The following VPS54 variants were observed in gnomAD, a reference collection of about 807,000 sequenced individuals.
The protein encoded by VPS54 is vacuolar protein sorting-associated protein 54.
In VPS54, 45 loss-of-function variants were observed where a neutral mutation model predicts 121.5. That is an observed-to-expected ratio of 0.37 (90% CI 0.29 to 0.47). The LOEUF (loss-of-function observed/expected upper bound fraction) is 0.47. VPS54 is among the 20% of genes least tolerant of loss of function. The pLI, the probability that VPS54 is intolerant of heterozygous loss-of-function variation, is 0.99. For synonymous variants in VPS54, 371 were observed against 385.8 expected (o/e 0.96, Z 0.45); for missense variants, 1,090 against 1,131.4 (o/e 0.96, Z 0.52).
rs764940037 is a variant in VPS54, at chr2:63,916,947, T to C, written c.2181A>G (p.Lys727=). The C allele has an allele frequency of 6.2e-6, 10 of 1,613,418 alleles. No homozygotes were observed. Among genetic ancestry groups the C allele is most frequent in the Admixed American group, 5.0e-5 (3 of 59,980 alleles). Residue 727 remains lysine (K), a synonymous_variant, in exon 16 of 23, where the codon AAA becomes AAG. Coordinates refer to ENST00000272322, the MANE Select transcript of VPS54 (RefSeq NM_016516.3). ...CCTCGACAATAAGAACTTCAGCTGG[T>C]TTCCTTTCTTCTGTGGCTACAGAGT... The part of the protein sequence containing the change: ...EKKSGATEER[K]PAEVLIVEGQ...
intron 20 of VPS54, among the ~76,000 whole-genome samples, chr2:63,905,292 A>G (rs559569382): frequency 7.9e-5 from 12 of 152,258 alleles, no homozygotes; most frequent in African/African-American, 2.9e-4. Flanking sequence ...ACTTCTAGCC[A>G]GAAAGGGGGA....
intron 12 of VPS54, among the ~76,000 whole-genome samples, chr2:63,924,070 T>C (rs865849128): frequency 7.9e-5 from 12 of 152,258 alleles, no homozygotes; most frequent in African/African-American, 2.4e-4. Context: ...GAGGATGCAA[T>C]TGGGGAAAGC....
intron 1 of VPS54, among the ~76,000 whole-genome samples, chr2:64,010,704 A>ATTTTTAAAAATCTTTAAATT (rs1219955551): frequency 1.4e-3 from 219 of 152,346 alleles, no homozygotes; most frequent in Non-Finnish European, 2.2e-3. Flanking sequence ...TTTAATCATA[A>ATTTTTAAAAATCTTTAAATT]TTTTTAAAAA....
At chr2:63,944,057 A>C (rs1022101992) in intron 10 of VPS54, among the ~76,000 whole-genome samples, 1 of 151,840 alleles carries the variant, frequency 6.6e-6, no homozygotes, top group African/African-American at 2.4e-5. Flanking sequence ...TAGGGTGAAA[A>C]CAAAAAAAAA....
chr2:63,944,566 A>G, intron 10 of VPS54, 34 bp downstream of exon 10: 1 of 1,554,722 alleles, frequency 6.4e-7, no homozygotes. Flanking sequence ...CTTTTCTCTG[A>G]CTGATAACCA....
At chr2:63,912,309 T>C in intron 20 of VPS54, 36 bp downstream of exon 20, 1 of 1,526,470 alleles carries the variant, frequency 6.6e-7, no homozygotes, top group South Asian at 1.2e-5. Context: ...TCATAATGTC[T>C]TTGAACAAAG....
intron 12 of VPS54, among the ~76,000 whole-genome samples, chr2:63,922,192 T>G (rs1335618776): frequency 6.6e-6 from 1 of 152,188 alleles, no homozygotes; most frequent in African/African-American, 2.4e-5. Context: ...TTTTCAATTT[T>G]GAGGGGGAAT....
intron 12 of VPS54, 92 bp downstream of exon 12, chr2:63,933,581 G>C (rs1674314966): frequency 8.4e-7 from 1 of 1,190,456 alleles, no homozygotes; most frequent in Non-Finnish European, 1.2e-6. Context: ...AAATTTACAT[G>C]GTTTTTCAAT....
At chr2:63,956,706 G>A (rs1232399685) in intron 7 of VPS54, among the ~76,000 whole-genome samples, 1 of 152,152 alleles carries the variant, frequency 6.6e-6, no homozygotes, top group Non-Finnish European at 1.5e-5. Context: ...CTATCTCACA[G>A]TTTTTTGGGG....
intron 22 of VPS54, among the ~76,000 whole-genome samples, chr2:63,895,593 A>G (rs1052730387): frequency 6.6e-6 from 1 of 152,238 alleles, no homozygotes; most frequent in Non-Finnish European, 1.5e-5. Context: ...TGAAGACACT[A>G]AGTGCCACTG....
chr2:64,005,252 C>T (rs530696549), intron 1 of VPS54, among the ~76,000 whole-genome samples: 21 of 150,704 alleles, frequency 1.4e-4, no homozygotes, highest in South Asian at 4.2e-4. Flanking sequence ...TACAGGTGCC[C>T]GCCACCGCGC....
intron 1 of VPS54, among the ~76,000 whole-genome samples, chr2:64,012,455 TAAAA>T (rs11316408): frequency 1.8e-5 from 2 of 111,574 alleles, no homozygotes; most frequent in Non-Finnish European, 3.6e-5. Flanking sequence ...AGTAACTGTT[TAAAA>T]AAAAAAAAAA....
Position 63,941,659 on chromosome 2 carries a change from TGACTA to T in VPS54, c.1398+801_1398+805del, listed in dbSNP as rs1032444103. On this transcript the variant is annotated intron_variant, in intron 11 of 22. Coordinates refer to ENST00000272322, the MANE Select transcript of VPS54 (RefSeq NM_016516.3). ...CTAAGTGGTTTAAAATTAAGTGGCT[TGACTA>T]AAGAGACAAAATAATTAAATGTAAC... 6.6e-5 allele frequency among the ~76,000 whole-genome samples: 10 copies of T among 152,276 alleles called. 2 individuals carry two copies. The highest frequency in any genetic ancestry group is 2.4e-4 in the African/African-American group (10 of 41,568).
chr2:63,966,475 C>T (rs1676008042), intron 5 of VPS54, among the ~76,000 whole-genome samples: 1 of 152,160 alleles, frequency 6.6e-6, no homozygotes, highest in African/African-American at 2.4e-5. Context: ...TCACGACCAG[C>T]TAAGCAATAA....
intron 2 of VPS54, 102 bp from the exon 3 acceptor site, chr2:63,981,989 C>T (rs762337071): frequency 8.2e-7 from 1 of 1,224,742 alleles, no homozygotes. Context: ...CCATCTTACG[C>T]AAACCAACTA....
intron 3 of VPS54, among the ~76,000 whole-genome samples, chr2:63,977,547 T>C (rs1346267571): frequency 6.6e-6 from 1 of 152,220 alleles, no homozygotes; most frequent in Non-Finnish European, 1.5e-5. Flanking sequence ...TATCTTTGAT[T>C]TGTAGCATTT....
At chr2:64,015,742 A>AT (rs1478716778) in intron 1 of VPS54, among the ~76,000 whole-genome samples, 1 of 150,112 alleles carries the variant, frequency 6.7e-6, no homozygotes, top group Non-Finnish European at 1.5e-5. Flanking sequence ...TGTTAATTAT[A>AT]TTTTTTTAAA....
rs190458525 is a variant in VPS54 at position 63,928,974 on chromosome 2, C to T, written c.1739+4699G>A. On this transcript the variant is annotated intron_variant, in intron 12 of 22. Transcript: ENST00000272322. ...AATTCAACAAGAAGAACTAACTATCCTAAATATATATACAACCAATACAGG... is the reference window on the plus strand; with the variant it reads ...AATTCAACAAGAAGAACTAACTATCTTAAATATATATACAACCAATACAGG... Among the ~76,000 whole-genome samples the T allele has an allele frequency of 3.2e-3, 494 of 152,068 alleles. 2 individuals are homozygous for T. The highest frequency in any genetic ancestry group is 4.4e-3 in the Non-Finnish European group (296 of 68,006).
In VPS54 at chr2:63,962,137, C is replaced by T. The variant is rs1320705086; in HGVS notation, c.931G>A (p.Glu311Lys). 1 of 1,609,524 alleles carries T rather than the reference C, an allele frequency of 6.2e-7. No individual in the cohort carries two copies. Among genetic ancestry groups the T allele is most frequent in the African/African-American group, 1.3e-5 (1 of 74,816 alleles). Residue 311 changes from glutamate (E) to lysine (K), a missense_variant, in exon 7 of 23, where the codon GAA becomes AAA. By Grantham distance (56) the Glu-to-Lys change is moderately conservative. Around this residue, in one of 2 missense-constraint regions of VPS54, gnomAD observed 801 missense variants for 757.0 expected, o/e 1.06. Coordinates refer to ENST00000272322, the MANE Select transcript of VPS54 (RefSeq NM_016516.3). ...ATTAAGTCCAATGCTCCAACAAATTCAGAAGTAGATAATAACACCTGTACT... is the reference window on the plus strand; with the variant it reads ...ATTAAGTCCAATGCTCCAACAAATTTAGAAGTAGATAATAACACCTGTACT... ...PTVQVLLSTS[E>K]FVGALDLIAT...
Sources: allele counts gnomAD v4.1 joint callset (sites outside exome capture counted in the v4.1 genomes callset), GRCh38; gene constraint gnomAD v4.1.1; regional missense constraint gnomAD v4.1.1; transcripts MANE v1.5; gene names NCBI Gene and HGNC (gene_info 2026-07-23, HGNC 2026-07-21).